The following CLEC16A variants were observed in gnomAD, a reference collection of about 807,000 sequenced individuals.
The protein encoded by CLEC16A is C-type lectin domain containing 16A, also known as protein CLEC16A.
CLEC16A carries 51 observed loss-of-function variants against 109.5 expected under a neutral mutation model. That is an observed-to-expected ratio of 0.47 (90% CI 0.37 to 0.59). The LOEUF is 0.59. Ranked by LOEUF, CLEC16A falls within the 20% of genes least tolerant of loss-of-function variation. The probability of loss-of-function intolerance (pLI) is 0.00; values close to 1 mark genes in which losing one functional copy is unlikely to be tolerated. For synonymous variants in CLEC16A, 673 were observed against 564.2 expected, an observed-to-expected ratio of 1.19 and a Z score of -2.73; for missense variants, 1,339 against 1,394.0, an observed-to-expected ratio of 0.96 and a Z score of 0.63.
At chr16:11,124,573 A>G (rs1400707048) in intron 21 of CLEC16A, among the ~76,000 whole-genome samples, 1 of 152,246 alleles carries the variant, frequency 6.6e-6, no homozygotes, top group Admixed American at 6.5e-5. Context: ...ATTTATTACA[A>G]GGAAAGTCAC....
intron 3 of CLEC16A, among the ~76,000 whole-genome samples, chr16:10,967,952 G>A (rs539759638): frequency 6.6e-6 from 1 of 152,376 alleles, no homozygotes; most frequent in Non-Finnish European, 1.5e-5. Flanking sequence ...GCGCAGGGCC[G>A]GGGCCCAAGA....
In CLEC16A at chr16:11,060,918, T is replaced by G; in HGVS notation, c.2012T>G (p.Phe671Cys). The change falls in exon 19 of 24, where the codon TTC (phenylalanine) becomes TGC (cysteine). Residue 671 changes from phenylalanine to cysteine, a missense_variant. This residue lies in a region of CLEC16A where 1,061 missense variants were observed against 1,006.8 expected (regional missense o/e 1.05). Transcript: ENST00000409790. Reference sequence around the variant, plus strand: ...TTGGTCCAGGCCATCCGGGTGTTCTTCATGCTGCGTTCCCTGTCACTGCAA... The same window carrying G: ...TTGGTCCAGGCCATCCGGGTGTTCTGCATGCTGCGTTCCCTGTCACTGCAA... ...EKTRRAIRVFFMLRSLSLQLR... is the reference protein window; with the variant it reads ...EKTRRAIRVFCMLRSLSLQLR... 1 of 1,611,794 alleles carries G rather than the reference T, an allele frequency of 6.2e-7. No individual in the cohort carries two copies. The highest frequency in any genetic ancestry group is 8.5e-7 in the Non-Finnish European group (1 of 1,178,946).
intron 14 of CLEC16A, 185 bp from the exon 15 acceptor site, chr16:11,042,069 G>C (rs1024594833): frequency 1.1e-5 from 6 of 567,792 alleles, no homozygotes; most frequent in African/African-American, 9.4e-5. Flanking sequence ...GGAGAACATT[G>C]AATTCTAACT....
At chr16:10,975,968 G>T (rs1054221365) in intron 7 of CLEC16A, among the ~76,000 whole-genome samples, 1 of 151,670 alleles carries the variant, frequency 6.6e-6, no homozygotes, top group African/African-American at 2.4e-5. Flanking sequence ...TCTTGTTGAA[G>T]TATAAGAAAT....
chr16:11,106,241 G>A (rs2051211951), intron 19 of CLEC16A, among the ~76,000 whole-genome samples: 1 of 152,110 alleles, frequency 6.6e-6, no homozygotes, highest in Non-Finnish European at 1.5e-5. Flanking sequence ...ATTGTATAGT[G>A]AACACCCTCA....
chr16:11,068,078 G>C (rs1256147751), intron 19 of CLEC16A, among the ~76,000 whole-genome samples: 2 of 152,180 alleles, frequency 1.3e-5, no homozygotes, highest in Non-Finnish European at 2.9e-5. Flanking sequence ...GGTTATGGAG[G>C]AAGCCTTGGA....
At chr16:11,129,689 G>T (rs893822902) in intron 22 of CLEC16A, among the ~76,000 whole-genome samples, 10 of 151,626 alleles carry the variant, frequency 6.6e-5, no homozygotes, top group African/African-American at 2.2e-4. Flanking sequence ...TTTGTGTGCC[G>T]CCTCTTCAGT....
chr16:11,069,333 T>C (rs1210517835), intron 19 of CLEC16A, among the ~76,000 whole-genome samples: 2 of 152,218 alleles, frequency 1.3e-5, no homozygotes, highest in East Asian at 1.9e-4. Context: ...TTCACTATGT[T>C]GCCCAGGCTG....
chr16:11,129,976 A>G (rs937086729), intron 22 of CLEC16A, among the ~76,000 whole-genome samples: 4 of 151,960 alleles, frequency 2.6e-5, no homozygotes, highest in Non-Finnish European at 5.9e-5. Flanking sequence ...GTTAGCCAGG[A>G]TGGTCTCGAT....
chr16:11,121,665 A>G (rs1315608387), intron 20 of CLEC16A, among the ~76,000 whole-genome samples: 1 of 151,630 alleles, frequency 6.6e-6, no homozygotes, highest in Admixed American at 6.6e-5. Context: ...GGATCACTTG[A>G]GGTCAGGAGT....
intron 22 of CLEC16A, among the ~76,000 whole-genome samples, chr16:11,154,261 G>C (rs565637356): frequency 1.3e-5 from 2 of 152,366 alleles, no homozygotes; most frequent in Non-Finnish European, 2.9e-5. Flanking sequence ...TGAAATGGCT[G>C]TTTCTGTAGG....
At position 11,003,158 on chromosome 16, in the gene CLEC16A, C is replaced by T. The variant is rs374674725; in HGVS notation, c.1156C>T (p.Arg386Trp). The change falls in exon 11 of 24, where the codon CGG becomes TGG. Residue 386 changes from arginine (R) to tryptophan (W), a missense_variant. Around this residue, in one of 3 missense-constraint regions of CLEC16A, gnomAD observed 1,061 missense variants for 1,006.8 expected, o/e 1.05. Transcript: ENST00000409790. The part of the protein sequence containing the change: ...LEMNKHKGKR[R>W]VQKRPNYKNV... ...GATGAACAAGCACAAGGGCAAGAGG[C>T]GGGTGCAAAAGAGACCCAACTACAA... is the stretch of plus-strand genomic sequence containing the variant. The T allele has an allele frequency of 9.3e-6, 15 of 1,612,938 alleles. No individual in the cohort carries two copies. The highest frequency in any genetic ancestry group is 3.3e-5 in the South Asian group (3 of 91,036).
At chr16:11,100,527 G>T (rs1246329452) in intron 19 of CLEC16A, among the ~76,000 whole-genome samples, 1 of 152,194 alleles carries the variant, frequency 6.6e-6, no homozygotes, top group Non-Finnish European at 1.5e-5. Context: ...CAAGATTGGG[G>T]TTTGGTTTCA....
chr16:11,169,182 C>A (rs2068399618), intron 23 of CLEC16A, among the ~76,000 whole-genome samples: 1 of 152,218 alleles, frequency 6.6e-6, no homozygotes, highest in Non-Finnish European at 1.5e-5. Flanking sequence ...GATTATGGAG[C>A]CTCCCAGAGT....
Position 11,003,266 on chromosome 16 carries a change from G to C in CLEC16A, c.1264G>C (p.Gly422Arg), listed in dbSNP as rs1476169441. ...CGCCGAGAAGGCTAAAGGTACAGAG[G>C]GTGGTTCAAAAGGCATCAAGACGAG... Reference protein sequence around the residue: ...EDAEKAKGTEGGSKGIKTSGE... With the variant: ...EDAEKAKGTERGSKGIKTSGE... The change falls in exon 11 of 24, where the codon GGT becomes CGT. Residue 422 changes from glycine to arginine, a missense_variant. This residue lies in a region of CLEC16A where 1,061 missense variants were observed against 1,006.8 expected (regional missense o/e 1.05). Coordinates refer to ENST00000409790, the MANE Select transcript of CLEC16A (RefSeq NM_015226.3). The C allele has an allele frequency of 6.2e-7, 1 of 1,612,542 alleles. No individual in the cohort carries two copies. The highest frequency in any genetic ancestry group is 8.5e-7 in the Non-Finnish European group (1 of 1,179,766).
intron 2 of CLEC16A, among the ~76,000 whole-genome samples, 191 bp downstream of exon 2, chr16:10,958,101 A>C (rs987478028): frequency 3.3e-5 from 5 of 152,252 alleles, no homozygotes; most frequent in Non-Finnish European, 7.4e-5. Context: ...CAAGCCAAAA[A>C]TGGGGAAGTT....
chr16:11,100,216 C>CG (rs2050835450), intron 19 of CLEC16A, among the ~76,000 whole-genome samples: 2 of 152,224 alleles, frequency 1.3e-5, no homozygotes, highest in South Asian at 4.2e-4. Flanking sequence ...GGTAAGACTG[C>CG]GGGGGACTCA....
intron 13 of CLEC16A, among the ~76,000 whole-genome samples, chr16:11,033,499 C>T (rs1018517509): frequency 6.6e-6 from 1 of 152,144 alleles, no homozygotes; most frequent in African/African-American, 2.4e-5. Flanking sequence ...GGTTTATGCT[C>T]AGTCCTGGCC....
intron 19 of CLEC16A, among the ~76,000 whole-genome samples, chr16:11,076,445 T>C (rs1313157418): frequency 6.6e-6 from 1 of 150,824 alleles, no homozygotes; most frequent in Non-Finnish European, 1.5e-5. Context: ...TAACGTTGAG[T>C]TTCAAGACAT....
Sources: allele counts gnomAD v4.1 joint callset (sites outside exome capture counted in the v4.1 genomes callset), GRCh38; gene constraint gnomAD v4.1.1; regional missense constraint gnomAD v4.1.1; transcripts MANE v1.5; gene names NCBI Gene and HGNC (gene_info 2026-07-23, HGNC 2026-07-21).